ROCK2: variants seen among roughly 807,000 people sequenced by gnomAD.
The protein encoded by ROCK2 is Rho associated coiled-coil containing protein kinase 2.
A neutral mutation model predicts 195.1 loss-of-function variants in ROCK2; 61 were observed. That is an observed-to-expected ratio of 0.31 (90% CI 0.25 to 0.39). The LOEUF (loss-of-function observed/expected upper bound fraction) is 0.39, where lower values mean the gene tolerates loss of function less well. Ranked by LOEUF, ROCK2 falls within the 10% of genes least tolerant of loss-of-function variation. The pLI is 1.00. For synonymous variants in ROCK2, 504 were observed against 545.5 expected (o/e 0.92, Z 1.06); for missense variants, 1,109 against 1,637.4 (o/e 0.68, Z 5.57).
At chr2:11,281,208 TAAAAAAAAAA>T (rs1173116040) in intron 3 of ROCK2, among the ~76,000 whole-genome samples, 5 of 100,584 alleles carry the variant, frequency 5.0e-5, no homozygotes, top group African/African-American at 1.6e-4. Flanking sequence ...ACTCATTATT[TAAAAAAAAAA>T]AAAAAAAAAA....
chr2:11,238,757 G>A (rs1665317663), intron 4 of ROCK2, among the ~76,000 whole-genome samples: 1 of 152,088 alleles, frequency 6.6e-6, no homozygotes, highest in South Asian at 2.1e-4. Context: ...GAGGTGGGAA[G>A]ATCGCTTGAG....
intron 9 of ROCK2, among the ~76,000 whole-genome samples, chr2:11,220,120 C>T (rs527638766): frequency 5.3e-5 from 8 of 152,294 alleles, no homozygotes; most frequent in Middle Eastern, 3.4e-3. Flanking sequence ...TGGGTTCAAG[C>T]GATTCTCCTG....
At position 11,194,314 on chromosome 2, in the gene ROCK2, A is replaced by G; in HGVS notation, c.3550T>C (p.Phe1184Leu). 6.8e-7 allele frequency: 1 copy of G among 1,469,254 alleles called. No homozygotes were observed. Among genetic ancestry groups the G allele is most frequent in the Non-Finnish European group, 9.2e-7 (1 of 1,085,502 alleles). 91.0% of individuals were successfully genotyped at this position (1,469,254 alleles called of 1,614,324 possible). ...TCTTTATCTTGTTCACTGTCATAGA[A>G]AAGAATCTTCTTACTGCTTACAATC... ...YVIVSSKKIL[F>L]YDSEQDKEQS... The change falls in exon 29 of 33, where the codon TTC becomes CTC. Residue 1184 changes from phenylalanine to leucine, a missense_variant. Physicochemically the swap from Phe to Leu is conservative, Grantham distance 22. Coordinates refer to ENST00000315872, the MANE Select transcript of ROCK2 (RefSeq NM_004850.5).
chr2:11,322,193 A>G (rs535092371), intron 1 of ROCK2, among the ~76,000 whole-genome samples: 1 of 152,296 alleles, frequency 6.6e-6, no homozygotes, highest in South Asian at 2.1e-4. Flanking sequence ...ATTTAAGCCA[A>G]AAACAAAACA....
At chr2:11,304,464 C>T (rs1667794569) in intron 1 of ROCK2, among the ~76,000 whole-genome samples, 1 of 152,194 alleles carries the variant, frequency 6.6e-6, no homozygotes, top group African/African-American at 2.4e-5. Flanking sequence ...TCCAGAACTC[C>T]ACCAGATTTC....
intron 11 of ROCK2, 112 bp from the exon 12 acceptor site, chr2:11,217,281 C>T (rs1439052902): frequency 1.3e-6 from 1 of 741,878 alleles, no homozygotes; most frequent in Non-Finnish European, 2.5e-6. Context: ...ATAATGTCCT[C>T]TATAATGGTA....
chr2:11,277,426 C>T (rs1483172720), intron 3 of ROCK2, among the ~76,000 whole-genome samples: 3 of 64,036 alleles, frequency 4.7e-5, no homozygotes, highest in Non-Finnish European at 1.3e-4. Flanking sequence ...TTGGTGCACC[C>T]ATCCCCCAAG....
chr2:11,287,996 A>G lies in ROCK2; in HGVS notation c.142-260T>C, dbSNP rs544650001. ...TGTAATTTCAAAACATGTATCTATTATTATTTTTGCTAGACAGATGTCTTC... is the reference window on the plus strand; with the variant it reads ...TGTAATTTCAAAACATGTATCTATTGTTATTTTTGCTAGACAGATGTCTTC... On this transcript the variant is annotated intron_variant, in intron 1 of 32. Coordinates refer to ENST00000315872, the MANE Select transcript of ROCK2 (RefSeq NM_004850.5). Among the ~76,000 whole-genome samples, 12 of 152,304 alleles carry G rather than the reference A, an allele frequency of 7.9e-5. No homozygotes were observed. The South Asian group carries it at 2.5e-3, about 32-fold the overall frequency.
At chr2:11,331,857 C>T (rs547086635) in intron 1 of ROCK2, among the ~76,000 whole-genome samples, 2 of 152,158 alleles carry the variant, frequency 1.3e-5, no homozygotes, top group South Asian at 2.1e-4. Context: ...ACCTGGGAGG[C>T]GGAAGTTGCA....
chr2:11,331,681 C>T (rs1668770892), intron 1 of ROCK2, among the ~76,000 whole-genome samples: 1 of 152,064 alleles, frequency 6.6e-6, no homozygotes, highest in Admixed American at 6.5e-5. Context: ...AATCCCAGCA[C>T]TTTGGGAGGC....
chr2:11,190,280 C>T (rs1663368013), intron 32 of ROCK2, among the ~76,000 whole-genome samples: 1 of 151,308 alleles, frequency 6.6e-6, no homozygotes, highest in Admixed American at 6.6e-5. Context: ...GGAAAGAAAT[C>T]CTTACTACTT....
At chr2:11,227,605 T>C (rs1334495705) in intron 5 of ROCK2, among the ~76,000 whole-genome samples, 1 of 152,158 alleles carries the variant, frequency 6.6e-6, no homozygotes, top group African/African-American at 2.4e-5. Flanking sequence ...AGGAATAAAC[T>C]GTGAACTCTA....
At chr2:11,302,226 T>C (rs1408242054) in intron 1 of ROCK2, among the ~76,000 whole-genome samples, 1 of 152,228 alleles carries the variant, frequency 6.6e-6, no homozygotes, top group East Asian at 1.9e-4. Flanking sequence ...TACATCTCCA[T>C]TCTACTGCTG....
intron 9 of ROCK2, among the ~76,000 whole-genome samples, chr2:11,220,715 A>G (rs1347203563): frequency 1.3e-5 from 2 of 151,664 alleles, no homozygotes; most frequent in African/African-American, 4.9e-5. Context: ...CTGTCCCCTA[A>G]CCTCCCCACA....
At chr2:11,250,151 A>C (rs1665780840) in intron 3 of ROCK2, among the ~76,000 whole-genome samples, 1 of 152,198 alleles carries the variant, frequency 6.6e-6, no homozygotes, top group Non-Finnish European at 1.5e-5. Flanking sequence ...TGTCTACTGA[A>C]AAAAAACCAT....
chr2:11,192,021 G>A lies in ROCK2; in HGVS notation c.4163+127C>T, dbSNP rs930878804. 7 of 643,276 alleles carry A rather than the reference G, an allele frequency of 1.1e-5. No individual in the cohort carries two copies. The highest frequency in any genetic ancestry group is 7.3e-5 in the African/African-American group (4 of 54,536). The allele number at this position is 643,276 out of a possible 1,614,324, so 39.8% of individuals were successfully genotyped here. A position where few individuals can be genotyped will look rare whatever the true frequency, so the allele number is the denominator to read the frequency against. On this transcript the variant is annotated intron_variant, in intron 32 of 32. Coordinates refer to ENST00000315872, the MANE Select transcript of ROCK2 (RefSeq NM_004850.5). This position sits in a 1 kb window ranked among gnomAD's most constrained non-coding sequence, Gnocchi z 5.0. ...GCACATTAAGACAGTTCCAACATTT[G>A]GTATTCCATAGTTAACTAAAATACA... is the stretch of plus-strand genomic sequence containing the variant.
chr2:11,299,532 G>A (rs1558373187), intron 1 of ROCK2, among the ~76,000 whole-genome samples: 2 of 151,706 alleles, frequency 1.3e-5, no homozygotes, highest in Non-Finnish European at 2.9e-5. Context: ...TTCAATTCTC[G>A]TAAAAGTTCC....
At chr2:11,325,855 G>A (rs935781323) in intron 1 of ROCK2, among the ~76,000 whole-genome samples, 5 of 152,128 alleles carry the variant, frequency 3.3e-5, no homozygotes, top group African/African-American at 1.2e-4. Flanking sequence ...AAATAGGAAA[G>A]AAGCAGGGAT....
At chr2:11,330,668 CGTCTCAAAAAA>C (rs1668689662) in intron 1 of ROCK2, among the ~76,000 whole-genome samples, 1 of 133,596 alleles carries the variant, frequency 7.5e-6, no homozygotes, top group East Asian at 2.4e-4. Context: ...ACAGAGACTG[CGTCTCAAAAAA>C]GTCTCAAAAA....
Sources: gnomAD v4.1 joint callset for allele counts (sites outside exome capture counted in the v4.1 genomes callset) on GRCh38, gnomAD v4.1.1 for gene constraint, Gnocchi (gnomAD v3.1) non-coding constraint, MANE v1.5 for transcripts, NCBI Gene and HGNC (gene_info 2026-07-23, HGNC 2026-07-21) for gene names.